The following PTPRC variants were observed in gnomAD, a reference collection of about 807,000 sequenced individuals.
PTPRC encodes receptor-type tyrosine-protein phosphatase C.
PTPRC carries 44 observed loss-of-function variants against 155.9 expected under a neutral mutation model. The observed-to-expected ratio is 0.28, with a 90% CI of 0.22 to 0.36. PTPRC has a LOEUF of 0.36. PTPRC is among the 10% of genes least tolerant of loss of function. The pLI is 1.00. For synonymous variants in PTPRC, 525 were observed against 533.1 expected (o/e 0.98, Z 0.21); for missense variants, 1,401 against 1,564.6 (o/e 0.90, Z 1.76).
chr1:198,752,789 A>G lies in PTPRC; in HGVS notation c.3509+17A>G, dbSNP rs750528202. On this transcript the variant is annotated intron_variant, in intron 31 of 32. Coordinates refer to ENST00000442510, the MANE Select transcript of PTPRC (RefSeq NM_002838.5). ...TCACTGCAGGTGCGTGGGATTTGGTAGAATGTGCTCTCAAAATCATAATGC... is the reference window on the plus strand; with the variant it reads ...TCACTGCAGGTGCGTGGGATTTGGTGGAATGTGCTCTCAAAATCATAATGC... 1 of 1,609,170 alleles carries G rather than the reference A, an allele frequency of 6.2e-7. No individual in the cohort carries two copies. Among genetic ancestry groups the G allele is most frequent in the Admixed American group, 1.7e-5 (1 of 59,822 alleles).
chr1:198,752,325 A>G lies in PTPRC; in HGVS notation c.3284A>G (p.Lys1095Arg). ...DIEVDLKDTD[K>R]SSTYTLRVFE... is the part of the protein sequence containing the mutation. ...GAAGTTGACCTGAAAGACACAGACAAATCTTCAACTTATACCCTTCGTGTC... is the reference window on the plus strand; with the variant it reads ...GAAGTTGACCTGAAAGACACAGACAGATCTTCAACTTATACCCTTCGTGTC... Residue 1095 changes from lysine (K) to arginine (R), a missense_variant, in exon 30 of 33, where the codon AAA (lysine) becomes AGA (arginine). Lys to Arg is a conservative substitution (Grantham distance 26). This residue lies in a region of PTPRC where 400 missense variants were observed against 389.5 expected (regional missense o/e 1.03). Coordinates refer to ENST00000442510, the MANE Select transcript of PTPRC (RefSeq NM_002838.5). 5 of 1,612,618 alleles carry G rather than the reference A, an allele frequency of 3.1e-6. No individual in the cohort carries two copies. The highest frequency in any genetic ancestry group is 4.2e-6 in the Non-Finnish European group (5 of 1,179,104).
In PTPRC at chr1:198,756,444, A is replaced by C; in HGVS notation, c.*263A>C. The C allele has an allele frequency of 2.1e-6, 1 of 468,158 alleles. No homozygotes were observed. Among genetic ancestry groups the C allele is most frequent in the South Asian group, 2.2e-5 (1 of 44,896 alleles). 29.0% of individuals were successfully genotyped at this position (468,158 alleles called of 1,614,324 possible). A position where few individuals can be genotyped will look rare whatever the true frequency, so the allele number is the denominator to read the frequency against. On this transcript the variant is annotated 3_prime_UTR_variant, in exon 33 of 33. Coordinates refer to ENST00000442510, the MANE Select transcript of PTPRC (RefSeq NM_002838.5). ...TTGTAATCGTTATGTGTGTATATGTATGTGTGTATGGGTGTGTGTTTGTGT... is the reference window on the plus strand; with the variant it reads ...TTGTAATCGTTATGTGTGTATATGTCTGTGTGTATGGGTGTGTGTTTGTGT...
intron 23 of PTPRC, among the ~76,000 whole-genome samples, chr1:198,740,749 A>AACTT (rs1654863657): frequency 6.6e-6 from 1 of 151,876 alleles, no homozygotes; most frequent in Non-Finnish European, 1.5e-5. Context: ...TGAATTGGAA[A>AACTT]ACTTAGAAGA....
At chr1:198,650,202 A>T (rs1663169989) in intron 2 of PTPRC, among the ~76,000 whole-genome samples, 1 of 151,902 alleles carries the variant, frequency 6.6e-6, no homozygotes, top group Non-Finnish European at 1.5e-5. Context: ...CAGGGCCTTG[A>T]TGGAAATGGA....
Position 198,722,368 on chromosome 1 carries a change from A to C in PTPRC, c.1660-48A>C, listed in dbSNP as rs141698281. Reference sequence around the variant, plus strand: ...ATATATAATATATATATATATATAAATTCACATTAGCAAACTAATTATTTT... The same window carrying C: ...ATATATAATATATATATATATATAACTTCACATTAGCAAACTAATTATTTT... On this transcript the variant is annotated intron_variant, in intron 14 of 32. Transcript: ENST00000442510. 1.0e-4 allele frequency: 98 copies of C among 953,798 alleles called. 2 individuals are homozygous for C. The East Asian group carries it at 3.1e-3, about 30-fold the overall frequency. The allele number at this position is 953,798 out of a possible 1,614,324, so 59.1% of individuals were successfully genotyped here.
intron 23 of PTPRC, among the ~76,000 whole-genome samples, chr1:198,735,956 A>C (rs966361469): frequency 2.6e-5 from 4 of 151,592 alleles, no homozygotes; most frequent in Admixed American, 2.0e-4. Context: ...TAGTGAATGT[A>C]ATATGAATAC....
chr1:198,663,801 A>G (rs1200224543), intron 2 of PTPRC, among the ~76,000 whole-genome samples: 1 of 152,236 alleles, frequency 6.6e-6, no homozygotes, highest in Non-Finnish European at 1.5e-5. Context: ...GTACTAAAGA[A>G]TAAATGATTG....
At chr1:198,741,602 T>A (rs951144890) in intron 23 of PTPRC, among the ~76,000 whole-genome samples, 13 of 151,842 alleles carry the variant, frequency 8.6e-5, no homozygotes, top group Non-Finnish European at 1.6e-4. Context: ...AAAGAAAGTA[T>A]TACCTTACTT....
intron 4 of PTPRC, among the ~76,000 whole-genome samples, chr1:198,697,795 C>T (rs1469726177): frequency 1.3e-5 from 2 of 152,164 alleles, no homozygotes; most frequent in East Asian, 1.9e-4. Flanking sequence ...ATAATACCAT[C>T]ACAGAAATTT....
chr1:198,678,924 ATT>A (rs1402641512), intron 2 of PTPRC, among the ~76,000 whole-genome samples: 1 of 152,134 alleles, frequency 6.6e-6, no homozygotes. Flanking sequence ...TAGAGTTCCA[ATT>A]TGATCAAAAC....
At position 198,718,244 on chromosome 1, in the gene PTPRC, A is replaced by G. The variant is rs2102444890; in HGVS notation, c.1601A>G (p.His534Arg). The G allele has an allele frequency of 6.2e-7, 1 of 1,614,138 alleles. No homozygotes were observed. The highest frequency in any genetic ancestry group is 1.3e-5 in the African/African-American group (1 of 75,038). ...AGNTLVRNES[H>R]KNCDFRVKDL... Reference sequence around the variant, plus strand: ...AATACTCTGGTTAGAAATGAGTCGCATAAGAATTGCGATTTCCGTGTAAAA... The same window carrying G: ...AATACTCTGGTTAGAAATGAGTCGCGTAAGAATTGCGATTTCCGTGTAAAA... Residue 534 changes from histidine (H) to arginine (R), a missense_variant, in exon 14 of 33, where the codon CAT becomes CGT. By Grantham distance (29) the His-to-Arg change is conservative. Around this residue, in one of 3 missense-constraint regions of PTPRC, gnomAD observed 867 missense variants for 970.4 expected, o/e 0.89. Coordinates refer to ENST00000442510, the MANE Select transcript of PTPRC (RefSeq NM_002838.5).
intron 2 of PTPRC, among the ~76,000 whole-genome samples, chr1:198,665,052 G>A (rs960172964): frequency 6.6e-5 from 10 of 151,006 alleles, no homozygotes; most frequent in African/African-American, 9.7e-5. Flanking sequence ...ACAAGGGGTG[G>A]GGAGTGTTTT....
At chr1:198,690,386 A>ATAGTT (rs1665863270) in intron 2 of PTPRC, among the ~76,000 whole-genome samples, 1 of 152,104 alleles carries the variant, frequency 6.6e-6, no homozygotes, top group Non-Finnish European at 1.5e-5. Context: ...AAACATAACA[A>ATAGTT]TAGTTTACAT....
chr1:198,748,386 A>G (rs960692024), intron 27 of PTPRC, among the ~76,000 whole-genome samples, 187 bp downstream of exon 27: 6 of 151,872 alleles, frequency 4.0e-5, no homozygotes, highest in African/African-American at 1.4e-4. Flanking sequence ...CTGAACATTT[A>G]CAATGGGCTT....
chr1:198,692,316 T>C lies in PTPRC; in HGVS notation c.74-31T>C, dbSNP rs1459577448. The C allele has an allele frequency of 4.0e-6, 6 of 1,494,772 alleles. No homozygotes were observed. In the East Asian group the frequency reaches 1.5e-4, roughly 38 times the overall value. The allele number at this position is 1,494,772 out of a possible 1,614,324, so 92.6% of individuals were successfully genotyped here. A position where few individuals can be genotyped will look rare whatever the true frequency, so the allele number is the denominator to read the frequency against. ...CATTAATATGAATGAAATTTGAAAT[T>C]TTCTAAGAGATTTTTGTTTCTTCTT... On this transcript the variant is annotated intron_variant, in intron 2 of 32. Coordinates refer to ENST00000442510, the MANE Select transcript of PTPRC (RefSeq NM_002838.5).
intron 2 of PTPRC, among the ~76,000 whole-genome samples, chr1:198,651,365 C>T (rs1339383289): frequency 6.7e-6 from 1 of 148,794 alleles, no homozygotes; most frequent in Non-Finnish European, 1.5e-5. Flanking sequence ...GAAATTAAAC[C>T]TTCCATTTCT....
At position 198,697,980 on chromosome 1, in the gene PTPRC, CTG is replaced by C. The variant is rs1461361276; in HGVS notation, c.298+1073_298+1074del. 3.9e-5 allele frequency among the ~76,000 whole-genome samples: 6 copies of C among 152,282 alleles called. No homozygotes were observed. The South Asian group carries it at 1.2e-3, about 32-fold the overall frequency. On this transcript the variant is annotated intron_variant, in intron 4 of 32. Transcript: ENST00000442510. ...GTAGTAACTAGGACCTGTCTAAACA[CTG>C]TAAAAATTTGAACACATTGCCCAAA...
intron 2 of PTPRC, among the ~76,000 whole-genome samples, chr1:198,688,148 A>C (rs1665735955): frequency 6.6e-6 from 1 of 152,082 alleles, no homozygotes; most frequent in Non-Finnish European, 1.5e-5. Flanking sequence ...AAAATGAAAT[A>C]AAACATAGAT....
At chr1:198,752,844 C>T in intron 31 of PTPRC, 72 bp downstream of exon 31, 1 of 1,505,576 alleles carries the variant, frequency 6.6e-7, no homozygotes, top group Non-Finnish European at 9.2e-7. Context: ...GTTGTCTTAT[C>T]TAGTTATCCT....
Sources: allele counts gnomAD v4.1 joint callset (sites outside exome capture counted in the v4.1 genomes callset), GRCh38; gene constraint gnomAD v4.1.1; regional missense constraint gnomAD v4.1.1; transcripts MANE v1.5; gene names NCBI Gene and HGNC (gene_info 2026-07-23, HGNC 2026-07-21).